Variants in DTNB observed in about 807,000 individuals in gnomAD.
DTNB encodes DTN-B.
A neutral mutation model predicts 90.7 loss-of-function variants in DTNB; 63 were observed. The observed-to-expected ratio is 0.69, with a 90% confidence interval of 0.57 to 0.86. The LOEUF (loss-of-function observed/expected upper bound fraction) is 0.86, where lower values mean the gene tolerates loss of function less well. DTNB is among the 40% of genes least tolerant of loss of function. The probability of loss-of-function intolerance (pLI) is 0.00; values close to 1 mark genes in which losing one functional copy is unlikely to be tolerated. For synonymous variants in DTNB, 277 were observed against 286.7 expected, an observed-to-expected ratio of 0.97 and a Z score of 0.34; for missense variants, 744 against 807.1, an observed-to-expected ratio of 0.92 and a Z score of 0.95.
At chr2:25,529,930 G>A (rs1212671631) in intron 9 of DTNB, among the ~76,000 whole-genome samples, 1 of 152,118 alleles carries the variant, frequency 6.6e-6, no homozygotes, top group African/African-American at 2.4e-5. Flanking sequence ...GACGTTAGGA[G>A]GCAAAGGAAA....
chr2:25,551,214 C>T (rs184523226), intron 8 of DTNB, among the ~76,000 whole-genome samples: 44 of 152,328 alleles, frequency 2.9e-4, no homozygotes, highest in African/African-American at 1.0e-3. Context: ...ATTTTCACGA[C>T]TGCCTGTTTA....
intron 10 of DTNB, among the ~76,000 whole-genome samples, chr2:25,473,448 T>C: frequency 6.6e-6 from 1 of 152,304 alleles, no homozygotes; most frequent in South Asian, 2.1e-4. Flanking sequence ...CCCCAAAGCA[T>C]GTGTGTGTAA....
intron 16 of DTNB, among the ~76,000 whole-genome samples, chr2:25,389,234 C>A (rs1020039401): frequency 5.9e-5 from 9 of 152,224 alleles, no homozygotes; most frequent in Non-Finnish European, 7.3e-5. Context: ...CAGTGGGAGG[C>A]ATGGGAACAA....
chr2:25,650,278 A>G lies in DTNB; in HGVS notation c.67+2316T>C, dbSNP rs374482669. 1.7e-5 allele frequency: 17 copies of G among 980,242 alleles called. No homozygotes were observed. The African/African-American group carries it at 2.8e-4, about 16-fold the overall frequency. 60.7% of individuals were successfully genotyped at this position (980,242 alleles called of 1,614,324 possible). ...CCTTTACTAACATGGAAGTTTCATG[A>G]AGTGAAGTCAGGGACTGTGTTTTGT... On this transcript the variant is annotated intron_variant, in intron 2 of 20. Transcript: ENST00000406818.
intron 10 of DTNB, 95 bp downstream of exon 10, chr2:25,482,701 G>A (rs1237509429): frequency 1.6e-6 from 2 of 1,263,314 alleles, no homozygotes; most frequent in East Asian, 4.7e-5. Context: ...TCTGCCCTGT[G>A]GAACAACCTG....
chr2:25,487,230 A>C (rs1434046508), intron 9 of DTNB, among the ~76,000 whole-genome samples: 1 of 152,192 alleles, frequency 6.6e-6, no homozygotes, highest in East Asian at 1.9e-4. Flanking sequence ...TGCAGCAATG[A>C]AGTATGGTCA....
chr2:25,504,572 GAAAGA>G (rs764204210), intron 9 of DTNB, among the ~76,000 whole-genome samples: 35 of 136,254 alleles, frequency 2.6e-4, no homozygotes, highest in African/African-American at 9.2e-4. Flanking sequence ...AAGAAAGAAA[GAAAGA>G]AAAGAAAAGA....
intron 3 of DTNB, among the ~76,000 whole-genome samples, chr2:25,632,388 T>C (rs1277782993): frequency 6.6e-6 from 1 of 152,164 alleles, no homozygotes; most frequent in Admixed American, 6.5e-5. Flanking sequence ...CAGGAAACTT[T>C]CTTAATCTGA....
At chr2:25,448,178 T>C (rs1442093606) in intron 12 of DTNB, among the ~76,000 whole-genome samples, 2 of 152,232 alleles carry the variant, frequency 1.3e-5, no homozygotes, top group African/African-American at 4.8e-5. Context: ...ACATAATAAT[T>C]TGTAGTTATG....
chr2:25,402,535 G>T (rs1040850207), intron 16 of DTNB, among the ~76,000 whole-genome samples: 5 of 142,782 alleles, frequency 3.5e-5, no homozygotes, highest in African/African-American at 1.4e-4. Flanking sequence ...GGAGAGAGGG[G>T]CTAAAGAGTT....
At chr2:25,601,130 T>C (rs1252197128) in intron 5 of DTNB, among the ~76,000 whole-genome samples, 1 of 152,158 alleles carries the variant, frequency 6.6e-6, no homozygotes, top group Non-Finnish European at 1.5e-5. Flanking sequence ...TCAACCTAAG[T>C]TATTGTGATT....
intron 5 of DTNB, among the ~76,000 whole-genome samples, chr2:25,601,685 T>C (rs2065917651): frequency 6.6e-6 from 1 of 152,204 alleles, no homozygotes; most frequent in South Asian, 2.1e-4. Context: ...ACATGTTTGC[T>C]TTCCCTGGCA....
chr2:25,653,507 CTTTCTTTCT>C (rs754817244), intron 1 of DTNB, among the ~76,000 whole-genome samples: 17 of 109,300 alleles, frequency 1.6e-4, no homozygotes, highest in South Asian at 9.0e-4. Flanking sequence ...TTCTTTCTTT[CTTTCTTTCT>C]TTTTTTTTTT....
chr2:25,490,034 G>A (rs1376061034), intron 9 of DTNB, among the ~76,000 whole-genome samples: 1 of 152,196 alleles, frequency 6.6e-6, no homozygotes, highest in African/African-American at 2.4e-5. Flanking sequence ...CCAGCACTCT[G>A]GGAAGCCAAG....
At chr2:25,614,804 C>A (rs1315819124) in intron 4 of DTNB, among the ~76,000 whole-genome samples, 1 of 152,188 alleles carries the variant, frequency 6.6e-6, no homozygotes, top group African/African-American at 2.4e-5. Flanking sequence ...TACTCTCTTA[C>A]ACAGCAATTC....
At chr2:25,494,019 AC>A (rs1440884542) in intron 9 of DTNB, among the ~76,000 whole-genome samples, 3 of 152,238 alleles carry the variant, frequency 2.0e-5, no homozygotes, top group African/African-American at 7.2e-5. Context: ...TATGAAGTTA[AC>A]AGTTACAGGA....
chr2:25,539,018 C>T (rs369224820), intron 8 of DTNB, among the ~76,000 whole-genome samples: 4 of 152,282 alleles, frequency 2.6e-5, no homozygotes, highest in East Asian at 3.9e-4. Context: ...TAGTCTTCTG[C>T]GACTTGCTTC....
intron 16 of DTNB, among the ~76,000 whole-genome samples, chr2:25,414,249 T>C (rs2047322707): frequency 6.6e-6 from 1 of 151,680 alleles, no homozygotes; most frequent in South Asian, 2.1e-4. Flanking sequence ...CTGATGGTAG[T>C]TTTTTTTTGT....
chr2:25,569,012 G>A (rs572979165), intron 8 of DTNB, among the ~76,000 whole-genome samples: 15 of 152,350 alleles, frequency 9.8e-5, no homozygotes, highest in Non-Finnish European at 1.9e-4. Context: ...CGGCCAAGAG[G>A]TGAGAAGCAC....
Sources: gnomAD v4.1 joint callset for allele counts (sites outside exome capture counted in the v4.1 genomes callset) on GRCh38, gnomAD v4.1.1 for gene constraint, MANE v1.5 for transcripts, NCBI Gene and HGNC (gene_info 2026-07-23, HGNC 2026-07-21) for gene names.